Variants in DLGAP1 observed in about 807,000 individuals in gnomAD.
The protein encoded by DLGAP1 is disks large-associated protein 1.
In DLGAP1, 11 loss-of-function variants were observed where a neutral mutation model predicts 90.8. That is an observed-to-expected ratio of 0.12 (90% CI 0.08 to 0.20). DLGAP1 has a LOEUF of 0.20. DLGAP1 is among the 10% of genes least tolerant of loss of function. The pLI is 1.00. For missense variants in DLGAP1, 1,050 were observed against 1,333.8 expected, an observed-to-expected ratio of 0.79 and a Z score of 3.31; for synonymous variants, 558 against 540.7, an observed-to-expected ratio of 1.03 and a Z score of -0.44.
chr18:4,241,543 C>T (rs183157208), intron 1 of DLGAP1, among the ~76,000 whole-genome samples: 146 of 152,004 alleles, frequency 9.6e-4, no homozygotes, highest in African/African-American at 3.4e-3. Context: ...TGCAAACATA[C>T]GATAGAAATT....
At chr18:4,205,152 G>A (rs540612407) in intron 1 of DLGAP1, among the ~76,000 whole-genome samples, 1 of 152,300 alleles carries the variant, frequency 6.6e-6, no homozygotes, top group African/African-American at 2.4e-5. Flanking sequence ...GTAATAGGAA[G>A]CTTTTCAGAA....
In DLGAP1 at chr18:3,872,215, C is replaced by T. The variant is rs1384419569; in HGVS notation, c.957+6897G>A. Among the ~76,000 whole-genome samples, 6 of 133,520 alleles carry T rather than the reference C, an allele frequency of 4.5e-5. No homozygotes were observed. The Admixed American group carries it at 4.7e-4, about 11-fold the overall frequency. 87.6% of individuals were successfully genotyped at this position (133,520 alleles called of 152,430 possible). On this transcript the variant is annotated intron_variant, in intron 4 of 12. Coordinates refer to ENST00000315677, the MANE Select transcript of DLGAP1 (RefSeq NM_004746.4). ...AGGTCTTTCTTTAATCACGTGAGTG[C>T]TCTCCAAGACAAAAAAAAAAAAAAA...
At chr18:3,956,358 C>CTT (rs1375278233) in intron 3 of DLGAP1, among the ~76,000 whole-genome samples, 1 of 150,640 alleles carries the variant, frequency 6.6e-6, no homozygotes, top group South Asian at 2.1e-4. Flanking sequence ...TTTTTTTTTC[C>CTT]TTTTTTTTTG....
chr18:3,666,511 C>G (rs906028120), intron 7 of DLGAP1, among the ~76,000 whole-genome samples: 1 of 152,172 alleles, frequency 6.6e-6, no homozygotes, highest in Non-Finnish European at 1.5e-5. Context: ...GAACACCTAC[C>G]AATCCGAGGA....
chr18:3,924,594 A>G (rs1032688095), intron 3 of DLGAP1, among the ~76,000 whole-genome samples: 2 of 152,040 alleles, frequency 1.3e-5, no homozygotes, highest in Non-Finnish European at 2.9e-5. Flanking sequence ...GAAAGTGTGA[A>G]TTTTTTCAGC....
chr18:4,316,223 G>C (rs2080523706), intron 1 of DLGAP1, among the ~76,000 whole-genome samples: 3 of 152,176 alleles, frequency 2.0e-5, no homozygotes, highest in South Asian at 2.1e-4. Context: ...ATTGATCCGT[G>C]TGTTACATGG....
intron 2 of DLGAP1, among the ~76,000 whole-genome samples, chr18:4,015,363 A>G (rs2074504158): frequency 6.6e-6 from 1 of 152,132 alleles, no homozygotes; most frequent in East Asian, 1.9e-4. Flanking sequence ...CAAGCAGAAA[A>G]GAGTTCTATG....
intron 3 of DLGAP1, among the ~76,000 whole-genome samples, chr18:3,889,503 G>A (rs1413321863): frequency 6.6e-6 from 1 of 151,934 alleles, no homozygotes; most frequent in Non-Finnish European, 1.5e-5. Context: ...TACCAAGTTT[G>A]CTGTACAAAT....
chr18:3,781,637 G>A (rs1244494237), intron 5 of DLGAP1, among the ~76,000 whole-genome samples: 1 of 152,148 alleles, frequency 6.6e-6, no homozygotes, highest in African/African-American at 2.4e-5. Flanking sequence ...ATAGGCGTGA[G>A]CCAGCAGCTT....
intron 3 of DLGAP1, among the ~76,000 whole-genome samples, chr18:3,926,414 A>G (rs2072384965): frequency 1.4e-5 from 2 of 146,330 alleles, no homozygotes; most frequent in Non-Finnish European, 3.0e-5. Flanking sequence ...ATATATATAT[A>G]TATATATACA....
chr18:3,623,642 T>G (rs2058181144), intron 7 of DLGAP1, among the ~76,000 whole-genome samples: 1 of 152,002 alleles, frequency 6.6e-6, no homozygotes, highest in Non-Finnish European at 1.5e-5. Flanking sequence ...CCGGGCGTGG[T>G]GGCGCATGCC....
chr18:4,164,987 CAG>C (rs769549963), intron 1 of DLGAP1, among the ~76,000 whole-genome samples: 39 of 152,164 alleles, frequency 2.6e-4, no homozygotes, highest in Non-Finnish European at 5.1e-4. Context: ...ACAAAATGAA[CAG>C]AGTCTTCAGG....
chr18:3,696,132 T>A (rs1003832312), intron 7 of DLGAP1, among the ~76,000 whole-genome samples: 11 of 152,248 alleles, frequency 7.2e-5, no homozygotes, highest in Non-Finnish European at 1.5e-4. Flanking sequence ...TACAATCATG[T>A]CATCTGCAAA....
chr18:4,424,669 A>G (rs759449993), intron 1 of DLGAP1, among the ~76,000 whole-genome samples: 54 of 152,220 alleles, frequency 3.5e-4, no homozygotes, highest in Non-Finnish European at 6.8e-4. Context: ...GATTTAATTC[A>G]TGGCATATCT....
chr18:4,004,079 A>G (rs1018106870), intron 3 of DLGAP1, among the ~76,000 whole-genome samples: 1 of 152,214 alleles, frequency 6.6e-6, no homozygotes, highest in Non-Finnish European at 1.5e-5. Context: ...TAATTGTTAT[A>G]GATGGTTCAT....
intron 9 of DLGAP1, among the ~76,000 whole-genome samples, chr18:3,559,118 G>A (rs370589193): frequency 6.6e-6 from 1 of 152,136 alleles, no homozygotes; most frequent in Non-Finnish European, 1.5e-5. Context: ...ATTCCTACAC[G>A]TGATGTTAAC....
Position 3,897,998 on chromosome 18 carries a change from G to T in DLGAP1, c.-72-17858C>A, listed in dbSNP as rs368961055. Among the ~76,000 whole-genome samples, 15 of 151,950 alleles carry T rather than the reference G, an allele frequency of 9.9e-5. No individual in the cohort carries two copies. In the East Asian group the frequency reaches 1.4e-3, roughly 14 times the overall value. ...TTTAGTAGAGACGGGGTTTCACCTTGTTAGCCAGGATGGTCTCGATCTCCT... is the reference window on the plus strand; with the variant it reads ...TTTAGTAGAGACGGGGTTTCACCTTTTTAGCCAGGATGGTCTCGATCTCCT... On this transcript the variant is annotated intron_variant, in intron 3 of 12. Coordinates refer to ENST00000315677, the MANE Select transcript of DLGAP1 (RefSeq NM_004746.4).
At chr18:4,224,538 AG>A (rs2078144960) in intron 1 of DLGAP1, among the ~76,000 whole-genome samples, 2 of 152,250 alleles carry the variant, frequency 1.3e-5, no homozygotes, top group South Asian at 4.1e-4. Context: ...TTGGGCCTTG[AG>A]TGAACACTGG....
intron 2 of DLGAP1, among the ~76,000 whole-genome samples, chr18:4,067,156 C>G (rs1189050868): frequency 6.6e-6 from 1 of 151,812 alleles, no homozygotes; most frequent in Admixed American, 6.6e-5. Context: ...TGGGGAACAA[C>G]AGACACTGGG....
Sources: allele counts gnomAD v4.1 joint callset (sites outside exome capture counted in the v4.1 genomes callset), GRCh38; gene constraint gnomAD v4.1.1; transcripts MANE v1.5; gene names NCBI Gene and HGNC (gene_info 2026-07-23, HGNC 2026-07-21).